The following ATP10B variants were observed in gnomAD, a reference collection of about 807,000 sequenced individuals.
ATP10B encodes the protein ATPase phospholipid transporting 10B (putative).
A neutral mutation model predicts 141.2 loss-of-function variants in ATP10B; 122 were observed. That is an observed-to-expected ratio of 0.86 (90% CI 0.75 to 1.00). ATP10B has a LOEUF of 1.00. Ranked by LOEUF, ATP10B falls within the 50% of genes least tolerant of loss-of-function variation. The pLI, the probability that ATP10B is intolerant of heterozygous loss-of-function variation, is 0.00. For synonymous variants in ATP10B, 685 were observed against 692.0 expected (o/e 0.99, Z 0.16); for missense variants, 1,876 against 1,825.3 (o/e 1.03, Z -0.51).
intron 1 of ATP10B, among the ~76,000 whole-genome samples, chr5:160,851,448 G>T (rs963593384): frequency 6.6e-6 from 1 of 151,946 alleles, no homozygotes; most frequent in Non-Finnish European, 1.5e-5. Flanking sequence ...TTTCTCCTTT[G>T]AACTCAAAGG....
At chr5:160,587,777 T>C (rs1280121096) in intron 24 of ATP10B, among the ~76,000 whole-genome samples, 1 of 152,238 alleles carries the variant, frequency 6.6e-6, no homozygotes, top group African/African-American at 2.4e-5. Context: ...GTACATTGAT[T>C]TTCTATCCTA....
At chr5:160,922,446 G>A in the ATP10B span, among the ~76,000 whole-genome samples, 3 of 152,184 alleles carry the variant, frequency 2.0e-5, no homozygotes, top group East Asian at 5.8e-4. Context: ...CACTGAAAAG[G>A]AAGTAAAGAA....
the ATP10B span, among the ~76,000 whole-genome samples, chr5:160,872,291 G>A: frequency 1.3e-5 from 2 of 152,188 alleles, no homozygotes; most frequent in Non-Finnish European, 2.9e-5. Context: ...TCTGTCAGAT[G>A]TATAGATTGT....
chr5:160,578,997 G>C (rs1040478574), intron 24 of ATP10B, among the ~76,000 whole-genome samples: 1 of 152,174 alleles, frequency 6.6e-6, no homozygotes, highest in Non-Finnish European at 1.5e-5. Context: ...AGAAGTATCT[G>C]TTCATGTCCT....
intron 24 of ATP10B, among the ~76,000 whole-genome samples, chr5:160,589,226 G>T (rs996896751): frequency 1.3e-5 from 2 of 152,082 alleles, no homozygotes; most frequent in Non-Finnish European, 2.9e-5. Context: ...TGGCCAGGCT[G>T]GTCTCGAATT....
chr5:160,634,273 T>C, intron 12 of ATP10B, 81 bp downstream of exon 12: 1 of 1,588,582 alleles, frequency 6.3e-7, no homozygotes. Context: ...GCCAGGAGAA[T>C]GTCTTTTATC....
intron 1 of ATP10B, among the ~76,000 whole-genome samples, chr5:160,844,067 T>C (rs1039368193): frequency 5.3e-5 from 8 of 152,160 alleles, no homozygotes; most frequent in Non-Finnish European, 1.5e-5. Flanking sequence ...TAAGGGTTAT[T>C]TTGAGTAAAA....
chr5:160,915,410 C>T, the ATP10B span, among the ~76,000 whole-genome samples: 4 of 151,904 alleles, frequency 2.6e-5, no homozygotes, highest in South Asian at 8.3e-4. Context: ...CGGCTCACTG[C>T]AACCTCTGCC....
intron 22 of ATP10B, among the ~76,000 whole-genome samples, chr5:160,598,326 G>T (rs1391220387): frequency 1.3e-5 from 2 of 151,882 alleles, no homozygotes; most frequent in Non-Finnish European, 2.9e-5. Flanking sequence ...TCATAGGTGG[G>T]AATTGAACAA....
At chr5:160,654,508 T>C (rs1373430722) in intron 7 of ATP10B, among the ~76,000 whole-genome samples, 1 of 152,160 alleles carries the variant, frequency 6.6e-6, no homozygotes, top group Non-Finnish European at 1.5e-5. Context: ...AGAGTGTGTG[T>C]CTCTGCAGCT....
intron 24 of ATP10B, among the ~76,000 whole-genome samples, chr5:160,570,799 T>C (rs1034675783): frequency 1.3e-5 from 2 of 152,234 alleles, no homozygotes; most frequent in Non-Finnish European, 2.9e-5. Flanking sequence ...GACAGTGATA[T>C]GCTCTCTGAT....
intron 1 of ATP10B, among the ~76,000 whole-genome samples, chr5:160,819,827 T>A (rs1015708929): frequency 6.6e-6 from 1 of 151,996 alleles, no homozygotes. Flanking sequence ...AAACATATAA[T>A]GGATACAGAA....
intron 6 of ATP10B, among the ~76,000 whole-genome samples, chr5:160,685,806 C>T (rs964742176): frequency 2.6e-5 from 4 of 152,068 alleles, no homozygotes; most frequent in Admixed American, 6.6e-5. Flanking sequence ...AATTGTTCCC[C>T]GGTGGTGTCC....
intron 7 of ATP10B, among the ~76,000 whole-genome samples, chr5:160,663,473 G>A (rs7730688): frequency 0.83 from 125,720 of 152,064 alleles, 52,252 homozygotes; most frequent in South Asian, 0.88. Context: ...AAAATGATGA[G>A]TTCATGTCAT....
chr5:160,781,368 G>A (rs1330664852), intron 2 of ATP10B, among the ~76,000 whole-genome samples: 1 of 152,066 alleles, frequency 6.6e-6, no homozygotes, highest in African/African-American at 2.4e-5. Context: ...AAGATTTTTA[G>A]GTCAATGCTG....
the ATP10B span, among the ~76,000 whole-genome samples, chr5:160,918,454 G>C: frequency 6.6e-6 from 1 of 152,122 alleles, no homozygotes; most frequent in East Asian, 1.9e-4. Flanking sequence ...TCTGAATGGA[G>C]AGAACAGCGA....
intron 2 of ATP10B, among the ~76,000 whole-genome samples, chr5:160,732,547 T>C (rs1040513829): frequency 2.0e-5 from 3 of 152,244 alleles, no homozygotes; most frequent in African/African-American, 4.8e-5. Context: ...GCTTGATTTA[T>C]TGAAGAGGCT....
At chr5:160,664,350 G>C (rs987181586) in intron 7 of ATP10B, among the ~76,000 whole-genome samples, 1 of 152,172 alleles carries the variant, frequency 6.6e-6, no homozygotes, top group Admixed American at 6.5e-5. Flanking sequence ...TTGGCAAAAT[G>C]CTCCTCTAAG....
At chr5:160,920,340 GTAGAGT>G in the ATP10B span, among the ~76,000 whole-genome samples, 1 of 152,200 alleles carries the variant, frequency 6.6e-6, no homozygotes, top group South Asian at 2.1e-4. Flanking sequence ...ATGTTTTGGT[GTAGAGT>G]GAAACTTATT....
Sources: gnomAD v4.1 joint callset for allele counts (sites outside exome capture counted in the v4.1 genomes callset) on GRCh38, gnomAD v4.1.1 for gene constraint, MANE v1.5 for transcripts, NCBI Gene and HGNC (gene_info 2026-07-23, HGNC 2026-07-21) for gene names.